DPYD: variants seen among roughly 807,000 people sequenced by gnomAD.
The protein encoded by DPYD is dihydropyrimidine dehydrogenase.
DPYD carries 109 observed loss-of-function variants against 116.2 expected under a neutral mutation model. The observed-to-expected ratio is 0.94, with a 90% confidence interval of 0.80 to 1.10. The LOEUF is 1.10. Ranked by LOEUF, DPYD falls within the 50% of genes least tolerant of loss-of-function variation. DPYD has a pLI of 0.00. For missense variants in DPYD, 1,302 were observed against 1,254.5 expected (o/e 1.04, Z -0.57); for synonymous variants, 440 against 432.0 (o/e 1.02, Z -0.23).
chr1:97,332,410 A>G (rs1258990015), intron 16 of DPYD, among the ~76,000 whole-genome samples: 2 of 152,234 alleles, frequency 1.3e-5, no homozygotes, highest in Non-Finnish European at 2.9e-5. Flanking sequence ...TTAGCAATAT[A>G]ATAAGGATGG....
At chr1:97,302,022 T>A (rs1176635413) in intron 18 of DPYD, among the ~76,000 whole-genome samples, 1 of 152,008 alleles carries the variant, frequency 6.6e-6, no homozygotes, top group Admixed American at 6.6e-5. Flanking sequence ...AGATTAGGGT[T>A]TTTTTCCAAT....
chr1:97,830,350 T>G (rs1163417278), intron 2 of DPYD, among the ~76,000 whole-genome samples: 1 of 152,162 alleles, frequency 6.6e-6, no homozygotes, highest in Non-Finnish European at 1.5e-5. Flanking sequence ...ACAGCAGGGT[T>G]GGAAGATTAC....
intron 7 of DPYD, among the ~76,000 whole-genome samples, chr1:97,684,365 T>C (rs1660599650): frequency 6.6e-6 from 1 of 152,258 alleles, no homozygotes; most frequent in East Asian, 1.9e-4. Flanking sequence ...AATCTTGAGT[T>C]CTAATTTGAT....
chr1:97,637,008 T>C (rs1021607109), intron 8 of DPYD, among the ~76,000 whole-genome samples: 9 of 152,102 alleles, frequency 5.9e-5, no homozygotes, highest in South Asian at 4.1e-4. Context: ...TTGAAGGTAT[T>C]TGAGATTCAA....
chr1:97,323,467 A>G (rs1347401706), intron 16 of DPYD, among the ~76,000 whole-genome samples: 1 of 131,108 alleles, frequency 7.6e-6, no homozygotes, highest in Non-Finnish European at 1.7e-5. Flanking sequence ...ATATATACAT[A>G]TATGTGTATA....
chr1:97,151,469 T>A (rs1655010986), intron 20 of DPYD, among the ~76,000 whole-genome samples: 1 of 151,568 alleles, frequency 6.6e-6, no homozygotes, highest in Non-Finnish European at 1.5e-5. Flanking sequence ...AGGTCAGGAG[T>A]TCGAGACCAA....
chr1:97,691,557 A>AC, intron 7 of DPYD, 160 bp downstream of exon 7: 1 of 624,208 alleles, frequency 1.6e-6, no homozygotes, highest in Non-Finnish European at 2.8e-6. Context: ...GACAGTAGAC[A>AC]GACAAATGCC....
intron 3 of DPYD, among the ~76,000 whole-genome samples, chr1:97,765,932 G>A (rs1557944422): frequency 6.6e-6 from 1 of 152,176 alleles, no homozygotes; most frequent in Non-Finnish European, 1.5e-5. Flanking sequence ...GGTGACCTGT[G>A]TTATGCAGCA....
chr1:97,846,300 T>C (rs1282644253), intron 2 of DPYD, among the ~76,000 whole-genome samples: 1 of 152,220 alleles, frequency 6.6e-6, no homozygotes, highest in Non-Finnish European at 1.5e-5. Context: ...GTTGTTCCTA[T>C]GTTGCATTCC....
chr1:97,231,426 G>C (rs1661581312), intron 19 of DPYD, among the ~76,000 whole-genome samples: 1 of 152,144 alleles, frequency 6.6e-6, no homozygotes, highest in Non-Finnish European at 1.5e-5. Context: ...CACATGGCTG[G>C]GGAAGCCTCA....
chr1:97,108,181 G>A (rs867622267), intron 20 of DPYD, among the ~76,000 whole-genome samples: 1 of 152,088 alleles, frequency 6.6e-6, no homozygotes, highest in Non-Finnish European at 1.5e-5. Flanking sequence ...TGCTGGGGGA[G>A]GTAATGTGGC....
intron 12 of DPYD, among the ~76,000 whole-genome samples, chr1:97,544,711 T>C (rs1210642164): frequency 6.6e-6 from 1 of 151,566 alleles, no homozygotes; most frequent in African/African-American, 2.4e-5. Context: ...TAGAATGATA[T>C]TGTGAAACAC....
intron 20 of DPYD, among the ~76,000 whole-genome samples, chr1:97,102,854 G>T (rs1331898912): frequency 6.6e-6 from 1 of 151,872 alleles, no homozygotes; most frequent in Non-Finnish European, 1.5e-5. Flanking sequence ...TTATCTCAAG[G>T]AATAATATGC....
chr1:97,443,257 G>T (rs538408178), intron 14 of DPYD, among the ~76,000 whole-genome samples: 1 of 152,088 alleles, frequency 6.6e-6, no homozygotes, highest in East Asian at 1.9e-4. Flanking sequence ...TAAATTAGAA[G>T]AATATTTTTA....
intron 16 of DPYD, among the ~76,000 whole-genome samples, chr1:97,347,203 T>C (rs933092285): frequency 1.3e-5 from 2 of 151,932 alleles, no homozygotes; most frequent in African/African-American, 4.8e-5. Flanking sequence ...ATTTCTGATT[T>C]TAAAGACATG....
At chr1:97,472,062 T>C (rs982628538) in intron 13 of DPYD, among the ~76,000 whole-genome samples, 1 of 146,604 alleles carries the variant, frequency 6.8e-6, no homozygotes, top group Middle Eastern at 3.3e-3. Flanking sequence ...AAAAGAGTCA[T>C]ACAAAAAATC....
chr1:97,910,924 T>G (rs1181283588), intron 1 of DPYD, among the ~76,000 whole-genome samples: 1 of 152,062 alleles, frequency 6.6e-6, no homozygotes, highest in Admixed American at 6.6e-5. Context: ...ATTTTTTTAT[T>G]TTACTCTTAC....
chr1:97,364,731 G>C (rs1282123352), intron 16 of DPYD, among the ~76,000 whole-genome samples: 2 of 152,088 alleles, frequency 1.3e-5, no homozygotes, highest in African/African-American at 2.4e-5. Flanking sequence ...TTGTCTGGGG[G>C]GTTGTAATAG....
intron 3 of DPYD, among the ~76,000 whole-genome samples, chr1:97,742,932 T>G (rs1438762683): frequency 2.6e-5 from 4 of 152,098 alleles, no homozygotes; most frequent in African/African-American, 9.7e-5. Flanking sequence ...CTCTATGAAG[T>G]CACAAGTTTT....
Sources: allele counts gnomAD v4.1 joint callset (sites outside exome capture counted in the v4.1 genomes callset), GRCh38; gene constraint gnomAD v4.1.1; transcripts MANE v1.5; gene names NCBI Gene and HGNC (gene_info 2026-07-23, HGNC 2026-07-21).